Variants in GHDC observed in about 807,000 individuals in gnomAD.
The protein encoded by GHDC is GH3 domain containing.
GHDC carries 39 observed loss-of-function variants against 51.5 expected under a neutral mutation model. That is an observed-to-expected ratio of 0.76 (90% CI 0.59 to 0.99). GHDC has a LOEUF of 0.99. Ranked by LOEUF, GHDC falls within the 50% of genes least tolerant of loss-of-function variation. GHDC has a pLI of 0.00. For synonymous variants in GHDC, 282 were observed against 305.2 expected, an observed-to-expected ratio of 0.92 and a Z score of 0.79; for missense variants, 610 against 672.8, an observed-to-expected ratio of 0.91 and a Z score of 1.03.
chr17:42,192,840 G>A, intron 4 of GHDC, 66 bp downstream of exon 4: 1 of 1,578,222 alleles, frequency 6.3e-7, no homozygotes, highest in Non-Finnish European at 8.6e-7. Flanking sequence ...GGGTTTGGCT[G>A]CAAGTCAGAG....
In GHDC at chr17:42,189,721, C is replaced by A. The variant is rs749656683; in HGVS notation, c.1575G>T (p.Gln525His). ...LRHRHLAQCL[Q>H]ERVVS ...ACTTGACTCAGGACACCACCCTCTC[C>A]TGCAGACACTGGGCCAGGTGCCTGT... Residue 525 changes from glutamine to histidine, a missense_variant, in exon 10 of 10, where the codon CAG (glutamine) becomes CAT (histidine). Gln to His is a conservative substitution (Grantham distance 24, BLOSUM62 0). Around this residue, in one of 2 missense-constraint regions of GHDC, gnomAD observed 412 missense variants for 410.4 expected, o/e 1.00. Coordinates refer to ENST00000587427, the MANE Select transcript of GHDC (RefSeq NM_032484.5). 2.0e-6 allele frequency: 3 copies of A among 1,492,588 alleles called. No homozygotes were observed. The Admixed American group carries it at 7.0e-5, about 35-fold the overall frequency. 92.5% of individuals were successfully genotyped at this position (1,492,588 alleles called of 1,614,324 possible). A position where few individuals can be genotyped will look rare whatever the true frequency, so the allele number is the denominator to read the frequency against.
At chr17:42,193,616 G>C (rs952806250) in intron 2 of GHDC, 22 bp from the exon 3 acceptor site, 9 of 1,511,362 alleles carry the variant, frequency 6.0e-6, no homozygotes, top group Non-Finnish European at 7.1e-6. Flanking sequence ...AAGGAACCGA[G>C]ATATGGGGGC....
chr17:42,189,563 A>C lies in GHDC; in HGVS notation c.*140T>G. ...CGGTCAGCTGGGCCAAGGCCTCTCT[A>C]AGGCCCAGCGGCTCTCATGGGCAAA... On this transcript the variant is annotated 3_prime_UTR_variant, in exon 10 of 10. Transcript: ENST00000587427. The C allele has an allele frequency of 2.0e-6, 1 of 488,150 alleles. No individual in the cohort carries two copies. The highest frequency in any genetic ancestry group is 4.0e-5 in the South Asian group (1 of 25,146). The allele number at this position is 488,150 out of a possible 1,614,324, so 30.2% of individuals were successfully genotyped here.
At position 42,192,451 on chromosome 17, in the gene GHDC, C is replaced by T. The variant is rs140321523; in HGVS notation, c.679G>A (p.Gly227Arg). Residue 227 changes from glycine (G) to arginine (R), a missense_variant, in exon 5 of 10, where the codon GGG becomes AGG. Physicochemically the swap from Gly to Arg is moderately radical, Grantham distance 125 (BLOSUM62 -2). Coordinates refer to ENST00000587427, the MANE Select transcript of GHDC (RefSeq NM_032484.5). ...GEELAGAIAAGNPGAPLRERA... is the reference protein window; with the variant it reads ...GEELAGAIAARNPGAPLRERA... ...TCACGGAGAGGCGCTCCAGGGTTCCCGGCAGCTATCGCCCCAGCTAGCTCT... is the reference window on the plus strand; with the variant it reads ...TCACGGAGAGGCGCTCCAGGGTTCCTGGCAGCTATCGCCCCAGCTAGCTCT... 286 of 1,613,464 alleles carry T rather than the reference C, an allele frequency of 1.8e-4. No homozygotes were observed. Among genetic ancestry groups the T allele is most frequent in the Non-Finnish European group, 2.2e-4 (264 of 1,180,038 alleles).
chr17:42,190,621 C>T lies in GHDC; in HGVS notation c.1288+3G>A. ...GTAGGCAGGAGCCGGTGGGGAGGCT[C>T]ACCCAGAATGCTGCTCTCCACACAG... On this transcript the variant is annotated splice_donor_region_variant and intron_variant, in intron 8 of 9. Coordinates refer to ENST00000587427, the MANE Select transcript of GHDC (RefSeq NM_032484.5). 3 of 1,609,786 alleles carry T rather than the reference C, an allele frequency of 1.9e-6. No homozygotes were observed. The highest frequency in any genetic ancestry group is 2.5e-6 in the Non-Finnish European group (3 of 1,179,192).
At chr17:42,193,261 G>T (rs550358076) in intron 3 of GHDC, 56 bp downstream of exon 3, 1 of 1,520,998 alleles carries the variant, frequency 6.6e-7, no homozygotes, top group Non-Finnish European at 8.8e-7. Flanking sequence ...GGAATCTGAC[G>T]GTCCTGTGGG....
intron 8 of GHDC, 31 bp from the exon 9 acceptor site, chr17:42,190,301 TC>T: frequency 1.9e-6 from 3 of 1,614,098 alleles, no homozygotes; most frequent in South Asian, 2.2e-5. Context: ...CACACATACT[TC>T]CGGTGAATGG....
chr17:42,189,979 GTGTGTGGC>G, intron 9 of GHDC, 58 bp from the exon 10 acceptor site: 1 of 1,396,022 alleles, frequency 7.2e-7, no homozygotes, highest in Non-Finnish European at 9.7e-7. Context: ...CACACGAGGC[GTGTGTGGC>G]TGTGCCCAGG....
rs559821717 is a variant in GHDC, at chr17:42,192,795, C to T, written c.388-53G>A. Reference sequence around the variant, plus strand: ...CTGGTGTCAGAGCCAGACCCAGAGCCCCCATTTGGGGGTTCTTTGCCCACC... The same window carrying T: ...CTGGTGTCAGAGCCAGACCCAGAGCTCCCATTTGGGGGTTCTTTGCCCACC... On this transcript the variant is annotated intron_variant, in intron 4 of 9. Transcript: ENST00000587427. 24 of 1,540,852 alleles carry T rather than the reference C, an allele frequency of 1.6e-5. No homozygotes were observed. The African/African-American group carries it at 3.0e-4, about 20-fold the overall frequency.
chr17:42,192,163 G>A (rs2079973307), intron 5 of GHDC, 78 bp downstream of exon 5: 1 of 1,479,024 alleles, frequency 6.8e-7, no homozygotes, highest in Non-Finnish European at 9.0e-7. Flanking sequence ...AGATGATTAT[G>A]TAGGGCCCAA....
At chr17:42,193,736 G>A in intron 2 of GHDC, 31 bp downstream of exon 2, 1 of 1,060,468 alleles carries the variant, frequency 9.4e-7, no homozygotes, top group East Asian at 2.6e-5. Flanking sequence ...ATGCAAAGGA[G>A]AGACTATCAA....
intron 3 of GHDC, 116 bp from the exon 4 acceptor site, chr17:42,193,143 G>A: frequency 1.3e-6 from 2 of 1,552,428 alleles, no homozygotes; most frequent in South Asian, 1.1e-5. Context: ...TAGAGAGGAT[G>A]TAAGGACCCA....
chr17:42,193,942 G>C (rs1292759191), intron 1 of GHDC, 92 bp from the exon 2 acceptor site: 3 of 247,606 alleles, frequency 1.2e-5, no homozygotes, highest in African/African-American at 6.8e-5. Flanking sequence ...CAGCACTTTG[G>C]GAGGCTGAGG....
Position 42,190,727 on chromosome 17 carries a change from T to C in GHDC, c.1185A>G (p.Glu395=). Residue 395 remains glutamate (E), a synonymous_variant, in exon 8 of 10, where the codon GAA becomes GAG. Coordinates refer to ENST00000587427, the MANE Select transcript of GHDC (RefSeq NM_032484.5). ...CAGAGAACAGGTCTTCACCAATATC[T>C]TCCCCTCGCACACTCAGGGTCTGGT... The part of the protein sequence containing the change: ...RLDQTLSVRG[E]DIGEDLFSEA... 6.2e-7 allele frequency: 1 copy of C among 1,614,044 alleles called. No individual in the cohort carries two copies. Among genetic ancestry groups the C allele is most frequent in the Non-Finnish European group, 8.5e-7 (1 of 1,180,006 alleles).
chr17:42,190,356 C>T (rs1395936937), intron 8 of GHDC, 86 bp from the exon 9 acceptor site: 1 of 1,610,208 alleles, frequency 6.2e-7, no homozygotes, highest in Non-Finnish European at 8.5e-7. Context: ...TGTTCTTCCC[C>T]ACTCTGAGAT....
intron 3 of GHDC, 103 bp downstream of exon 3, chr17:42,193,214 G>T: frequency 6.6e-7 from 1 of 1,508,850 alleles, no homozygotes; most frequent in South Asian, 1.2e-5. Flanking sequence ...AGGCCACTCC[G>T]TTGGCAGTGG....
chr17:42,193,749 C>T lies in GHDC; in HGVS notation c.-14+18G>A, dbSNP rs1218829426. Reference sequence around the variant, plus strand: ...TGATGCAAAGGAGAGACTATCAAAGCTTTGGAGTCCCACTGACCTGAGTGC... The same window carrying T: ...TGATGCAAAGGAGAGACTATCAAAGTTTTGGAGTCCCACTGACCTGAGTGC... On this transcript the variant is annotated intron_variant, in intron 2 of 9. Coordinates refer to ENST00000587427, the MANE Select transcript of GHDC (RefSeq NM_032484.5). The T allele has an allele frequency of 3.2e-6, 3 of 940,982 alleles. No homozygotes were observed. Among genetic ancestry groups the T allele is most frequent in the Non-Finnish European group, 4.6e-6 (3 of 648,910 alleles). The allele number at this position is 940,982 out of a possible 1,614,324, so 58.3% of individuals were successfully genotyped here.
chr17:42,189,983 G>A (rs1452188444), intron 9 of GHDC, 62 bp from the exon 10 acceptor site: 40 of 1,403,168 alleles, frequency 2.9e-5, no homozygotes, highest in Non-Finnish European at 3.6e-5. Flanking sequence ...CGAGGCGTGT[G>A]TGGCTGTGCC....
In GHDC at chr17:42,193,541, GGCAGCAGCA is replaced by G. The variant is rs747543747; in HGVS notation, c.32_40del (p.Leu11_Leu13del). The G allele has an allele frequency of 1.2e-5, 18 of 1,543,084 alleles. No individual in the cohort carries two copies. The highest frequency in any genetic ancestry group is 6.0e-5 in the South Asian group (5 of 83,982). On this transcript the variant is annotated inframe_deletion, in exon 3 of 10. Coordinates refer to ENST00000587427, the MANE Select transcript of GHDC (RefSeq NM_032484.5). ...CTGCTGCCTGAGCAGGGCCAATGTT[GGCAGCAGCA>G]GCAGCAGCAGCAGCAGTGGCCACAG...
Sources: gnomAD v4.1 joint callset for allele counts on GRCh38, gnomAD v4.1.1 for gene constraint, gnomAD v4.1.1 regional missense constraint, MANE v1.5 for transcripts, NCBI Gene and HGNC (gene_info 2026-07-23, HGNC 2026-07-21) for gene names.